Variants in GTF2I observed in about 807,000 individuals in gnomAD.
GTF2I encodes general transcription factor IIi.
In GTF2I, 12 loss-of-function variants were observed where a neutral mutation model predicts 67.6. The ratio of observed to expected loss-of-function variants is 0.18; its 90% CI spans 0.11 to 0.29. GTF2I has a LOEUF of 0.29. GTF2I is among the 10% of genes least tolerant of loss of function. The pLI, the probability that GTF2I is intolerant of heterozygous loss-of-function variation, is 1.00. For synonymous variants in GTF2I, 149 were observed against 197.0 expected (o/e 0.76, Z 2.04); for missense variants, 271 against 580.1 (o/e 0.47, Z 5.47).
intron 9 of GTF2I, among the ~76,000 whole-genome samples, chr7:74,713,971 T>C (rs1791946939): frequency 3.3e-5 from 5 of 152,164 alleles, no homozygotes; most frequent in Admixed American, 3.3e-4. Flanking sequence ...GTCCTTTGCC[T>C]GTAATGTGTA....
At chr7:74,679,265 G>A (rs1786998712) in intron 1 of GTF2I, among the ~76,000 whole-genome samples, 1 of 151,638 alleles carries the variant, frequency 6.6e-6, no homozygotes, top group Non-Finnish European at 1.5e-5. Flanking sequence ...TAGTAGAGAT[G>A]GGGTTTCACC....
At chr7:74,717,338 C>G (rs1161510569) in intron 11 of GTF2I, among the ~76,000 whole-genome samples, 1 of 151,708 alleles carries the variant, frequency 6.6e-6, no homozygotes, top group East Asian at 1.9e-4. Context: ...CTTCTAGTCT[C>G]TTAGTAGGGT....
chr7:74,693,382 T>C (rs1326188553), intron 3 of GTF2I, among the ~76,000 whole-genome samples: 1 of 151,100 alleles, frequency 6.6e-6, no homozygotes, highest in Non-Finnish European at 1.5e-5. Flanking sequence ...TTCAAGGTAT[T>C]GAGATCAGTG....
chr7:74,708,136 C>A (rs1452219520), intron 8 of GTF2I, among the ~76,000 whole-genome samples: 1 of 151,942 alleles, frequency 6.6e-6, no homozygotes, highest in Non-Finnish European at 1.5e-5. Flanking sequence ...CCAGTCTCTA[C>A]TAAAAATACA....
chr7:74,688,639 A>AAAG (rs1400319031), intron 1 of GTF2I, among the ~76,000 whole-genome samples: 5 of 152,090 alleles, frequency 3.3e-5, no homozygotes, highest in African/African-American at 1.2e-4. Context: ...GCTGTATTAT[A>AAAG]AAGAATCTTA....
At chr7:74,705,018 G>A in intron 6 of GTF2I, 146 bp from the exon 7 acceptor site, 1 of 639,970 alleles carries the variant, frequency 1.6e-6, no homozygotes, top group Non-Finnish European at 2.8e-6. Context: ...GTGGTTGGGT[G>A]AAGGGATGAA....
chr7:74,737,453 AG>A (rs1554407581), intron 18 of GTF2I, among the ~76,000 whole-genome samples: 1 of 138,378 alleles, frequency 7.2e-6, no homozygotes, highest in East Asian at 2.2e-4. Flanking sequence ...TGGGTGGGCA[AG>A]TGGAGGAAGG....
chr7:74,680,099 A>AAAAATATATATATATATATATAT, intron 1 of GTF2I, among the ~76,000 whole-genome samples: 1 of 94,956 alleles, frequency 1.1e-5, no homozygotes, highest in Non-Finnish European at 2.1e-5. Flanking sequence ...AAAAAAAAAA[A>AAAAATATATATATATATATATAT]ATATATATAT....
At chr7:74,735,721 T>A (rs1465289934) in intron 17 of GTF2I, among the ~76,000 whole-genome samples, 189 bp downstream of exon 17, 1 of 93,006 alleles carries the variant, frequency 1.1e-5, no homozygotes, top group Non-Finnish European at 2.2e-5. Flanking sequence ...CAGGCTGGAG[T>A]GCAGTGGTAC....
At chr7:74,723,540 C>T (rs1013594354) in intron 12 of GTF2I, among the ~76,000 whole-genome samples, 1 of 145,930 alleles carries the variant, frequency 6.9e-6, no homozygotes, top group Non-Finnish European at 1.5e-5. Flanking sequence ...AAGTGATTCT[C>T]CTGCCTCAGC....
intron 8 of GTF2I, among the ~76,000 whole-genome samples, chr7:74,707,957 A>T (rs1341221233): frequency 6.6e-6 from 1 of 152,054 alleles, no homozygotes; most frequent in Non-Finnish European, 1.5e-5. Context: ...GCCAGGGTGC[A>T]GCCAGGAGAC....
chr7:74,718,829 G>T, intron 11 of GTF2I, 50 bp from the exon 12 acceptor site: 1 of 925,782 alleles, frequency 1.1e-6, no homozygotes, highest in East Asian at 2.7e-5. Flanking sequence ...TGGAACATAT[G>T]GAAACATGCT....
intron 3 of GTF2I, among the ~76,000 whole-genome samples, chr7:74,693,413 A>G (rs1788552219): frequency 6.6e-6 from 1 of 151,156 alleles, no homozygotes; most frequent in African/African-American, 2.4e-5. Context: ...TTACTATTGT[A>G]ATTGTACTGG....
At chr7:74,683,591 G>A (rs952642454) in intron 1 of GTF2I, among the ~76,000 whole-genome samples, 1 of 152,122 alleles carries the variant, frequency 6.6e-6, no homozygotes, top group African/African-American at 2.4e-5. Flanking sequence ...GGTGGCTCAC[G>A]CCTGTAATCT....
chr7:74,731,252 G>A (rs1283761895), intron 14 of GTF2I, among the ~76,000 whole-genome samples: 7 of 138,532 alleles, frequency 5.1e-5, no homozygotes, highest in Non-Finnish European at 1.1e-4. Flanking sequence ...CCATTAACTA[G>A]CAAGCGGTAA....
chr7:74,721,033 G>GTTTA (rs1171134957), intron 12 of GTF2I, among the ~76,000 whole-genome samples: 21 of 151,814 alleles, frequency 1.4e-4, no homozygotes, highest in South Asian at 1.0e-3. Flanking sequence ...TCATTTATTT[G>GTTTA]TTTATTTATT....
At chr7:74,692,151 G>A (rs1332366100) in intron 3 of GTF2I, among the ~76,000 whole-genome samples, 1 of 150,078 alleles carries the variant, frequency 6.7e-6, no homozygotes, top group Non-Finnish European at 1.5e-5. Context: ...TCCGCTCACT[G>A]CAACTTCCAC....
At chr7:74,681,910 C>CA (rs782315468) in intron 1 of GTF2I, among the ~76,000 whole-genome samples, 2,534 of 119,298 alleles carry the variant, frequency 0.021, 34 homozygotes, top group Middle Eastern at 0.083. Context: ...GACTCCGTCT[C>CA]AAAAAAAAAA....
chr7:74,695,842 A>G (rs2131314781), intron 3 of GTF2I, among the ~76,000 whole-genome samples: 1 of 152,220 alleles, frequency 6.6e-6, no homozygotes, highest in East Asian at 1.9e-4. Context: ...CAATACCATA[A>G]GCCCGCCTGC....
Sources: gnomAD v4.1 joint callset for allele counts (sites outside exome capture counted in the v4.1 genomes callset) on GRCh38, gnomAD v4.1.1 for gene constraint, MANE v1.5 for transcripts, NCBI Gene and HGNC (gene_info 2026-07-23, HGNC 2026-07-21) for gene names.